FOXJ3: variants seen among roughly 807,000 people sequenced by gnomAD.
FOXJ3 encodes the protein forkhead box protein J3.
FOXJ3 carries 22 observed loss-of-function variants against 76.1 expected under a neutral mutation model. The ratio of observed to expected loss-of-function variants is 0.29; its 90% CI spans 0.21 to 0.41. FOXJ3 has a LOEUF of 0.41. Ranked by LOEUF, FOXJ3 falls within the 10% of genes least tolerant of loss-of-function variation. The pLI is 1.00. For synonymous variants in FOXJ3, 269 were observed against 261.2 expected (o/e 1.03, Z -0.29); for missense variants, 613 against 762.1 (o/e 0.80, Z 2.30).
At chr1:42,309,636 A>G (rs1257368495) in intron 2 of FOXJ3, among the ~76,000 whole-genome samples, 1 of 152,212 alleles carries the variant, frequency 6.6e-6, no homozygotes, top group Admixed American at 6.5e-5. Flanking sequence ...ATGCCCCAAC[A>G]TTTAGAATAG....
intron 3 of FOXJ3, among the ~76,000 whole-genome samples, chr1:42,275,586 C>A (rs1342767529): frequency 3.9e-5 from 6 of 152,080 alleles, no homozygotes; most frequent in Non-Finnish European, 8.8e-5. Flanking sequence ...CACTTGAGCC[C>A]AGGAGTTTGA....
intron 5 of FOXJ3, among the ~76,000 whole-genome samples, chr1:42,206,185 G>GAA (rs1340557389): frequency 1.2e-4 from 18 of 152,118 alleles, no homozygotes; most frequent in Non-Finnish European, 2.2e-4. Flanking sequence ...TTCAGTAATA[G>GAA]ATATTTACAG....
At chr1:42,285,360 C>A (rs998003060) in intron 2 of FOXJ3, among the ~76,000 whole-genome samples, 2 of 151,274 alleles carry the variant, frequency 1.3e-5, no homozygotes, top group African/African-American at 4.9e-5. Flanking sequence ...TTCCATGGCA[C>A]CAAAACAAGG....
intron 5 of FOXJ3, among the ~76,000 whole-genome samples, chr1:42,217,484 G>A (rs1451058640): frequency 3.3e-5 from 5 of 151,856 alleles, no homozygotes; most frequent in African/African-American, 1.2e-4. Flanking sequence ...AGCCGAGATC[G>A]TGCCACTGCA....
Position 42,295,225 on chromosome 1 carries a change from G to A in FOXJ3, c.44+15825C>T, listed in dbSNP as rs138789464. On this transcript the variant is annotated intron_variant, in intron 2 of 12. Coordinates refer to ENST00000361346, the MANE Select transcript of FOXJ3 (RefSeq NM_014947.5). ...CTCATCCTCCTCCCACCCTCCCCCC[G>A]GTGGACTCTTCAGTGTCTATTATTT... 5.4e-3 allele frequency among the ~76,000 whole-genome samples: 824 copies of A among 151,654 alleles called. 10 individuals are homozygous for A. Among genetic ancestry groups the A allele is most frequent in the African/African-American group, 0.018 (761 of 41,328 alleles).
intron 5 of FOXJ3, among the ~76,000 whole-genome samples, chr1:42,219,505 C>T (rs1390136271): frequency 6.6e-6 from 1 of 152,136 alleles, no homozygotes; most frequent in African/African-American, 2.4e-5. Context: ...TGTACCATTT[C>T]CCATAAATCT....
intron 1 of FOXJ3, among the ~76,000 whole-genome samples, chr1:42,327,587 A>T (rs543165661): frequency 1.8e-4 from 28 of 152,298 alleles, no homozygotes; most frequent in African/African-American, 6.7e-4. Flanking sequence ...AGTAAGTTCT[A>T]GCAGTCTTTC....
rs1397851253 is a variant in FOXJ3 at position 42,324,090 on chromosome 1, T to A, written c.-18+10969A>T. 3.2e-3 allele frequency among the ~76,000 whole-genome samples: 282 copies of A among 87,264 alleles called. 19 individuals carry two copies. Among genetic ancestry groups the A allele is most frequent in the African/African-American group, 0.013 (240 of 18,870 alleles). 57.2% of individuals were successfully genotyped at this position (87,264 alleles called of 152,430 possible). A position where few individuals can be genotyped will look rare whatever the true frequency, so the allele number is the denominator to read the frequency against. Reference sequence around the variant, plus strand: ...CACAGTGTATATATAGTATATATACTGTATATATACTGTGTATATACACTG... The same window carrying A: ...CACAGTGTATATATAGTATATATACAGTATATATACTGTGTATATACACTG... On this transcript the variant is annotated intron_variant, in intron 1 of 12. Transcript: ENST00000361346.
At chr1:42,314,500 G>T (rs540084648) in intron 1 of FOXJ3, among the ~76,000 whole-genome samples, 186 of 152,230 alleles carry the variant, frequency 1.2e-3, no homozygotes, top group African/African-American at 3.9e-3. Flanking sequence ...CACCTGCCTC[G>T]GTTAGGATCC....
chr1:42,278,546 ATTC>A lies in FOXJ3; in HGVS notation c.168_170del (p.Lys56del), dbSNP rs1384024900. ...GAGTTGTATTTGGGTCAAGGAGTGC[ATTC>A]TTCTTAGAAATTCCTGTTCCATGTG... On this transcript the variant is annotated inframe_deletion, in exon 3 of 13. Coordinates refer to ENST00000361346, the MANE Select transcript of FOXJ3 (RefSeq NM_014947.5). 1.9e-6 allele frequency: 3 copies of A among 1,614,120 alleles called. No individual in the cohort carries two copies. Among genetic ancestry groups the A allele is most frequent in the East Asian group, 2.2e-5 (1 of 44,876 alleles).
chr1:42,242,955 C>CTAT (rs4019589), intron 4 of FOXJ3, among the ~76,000 whole-genome samples: 111,079 of 151,712 alleles, frequency 0.73, 40,848 homozygotes, highest in Admixed American at 0.81. Flanking sequence ...AAAAACTAGT[C>CTAT]TATTATAAGA....
In FOXJ3 at chr1:42,179,244, T is replaced by C. The variant is rs1358622280; in HGVS notation, c.*466A>G. The C allele has an allele frequency of 6.5e-6, 1 of 152,674 alleles. No individual in the cohort carries two copies. 9.5% of individuals were successfully genotyped at this position (152,674 alleles called of 1,614,324 possible). A position where few individuals can be genotyped will look rare whatever the true frequency, so the allele number is the denominator to read the frequency against. ...CAGTTTCCTACATCAGTTAAAAGCA[T>C]CCTGCAGAAAATAGCCTAACAAGGA... On this transcript the variant is annotated 3_prime_UTR_variant, in exon 13 of 13. Transcript: ENST00000361346.
intron 5 of FOXJ3, among the ~76,000 whole-genome samples, chr1:42,207,539 G>A (rs1192355068): frequency 6.6e-6 from 1 of 152,154 alleles, no homozygotes; most frequent in Non-Finnish European, 1.5e-5. Flanking sequence ...TTAAAGAGGG[G>A]CAAACAGAAG....
At chr1:42,334,287 C>G (rs778958269) in intron 1 of FOXJ3, 4 of 177,724 alleles carry the variant, frequency 2.3e-5, no homozygotes, top group Non-Finnish European at 4.4e-5. Context: ...ACTCTCGATT[C>G]TTCATCTAAC....
At position 42,199,168 on chromosome 1, in the gene FOXJ3, A is replaced by C; in HGVS notation, c.693T>G (p.Ser231Arg). 1 of 1,612,958 alleles carries C rather than the reference A, an allele frequency of 6.2e-7. No homozygotes were observed. Among genetic ancestry groups the C allele is most frequent in the Non-Finnish European group, 8.5e-7 (1 of 1,178,926 alleles). Residue 231 changes from serine to arginine, a missense_variant, in exon 7 of 13, where the codon AGT becomes AGG. By Grantham distance (110) the Ser-to-Arg change is moderately radical. Coordinates refer to ENST00000361346, the MANE Select transcript of FOXJ3 (RefSeq NM_014947.5). ...CAGATGCCAAACTCTGGTCTGAGAGACTGTTGTTAAGGCTACTGCGTGGGC... is the reference window on the plus strand; with the variant it reads ...CAGATGCCAAACTCTGGTCTGAGAGCCTGTTGTTAAGGCTACTGCGTGGGC... ...SDSPRSSLNN[S>R]LSDQSLASVN...
At chr1:42,334,212 G>T in intron 1 of FOXJ3, 1 of 658,316 alleles carries the variant, frequency 1.5e-6, no homozygotes, top group Non-Finnish European at 1.9e-6. Context: ...TAATGGAAGA[G>T]GAAAAAAGAT....
intron 1 of FOXJ3, among the ~76,000 whole-genome samples, chr1:42,332,637 T>C (rs534895759): frequency 3.9e-5 from 6 of 152,298 alleles, no homozygotes; most frequent in Non-Finnish European, 2.9e-5. Flanking sequence ...TTAGAACCCA[T>C]TGTGGTACCC....
Position 42,287,176 on chromosome 1 carries a change from T to TA in FOXJ3, c.45-8505dup, listed in dbSNP as rs1273534823. 6.0e-5 allele frequency among the ~76,000 whole-genome samples: 9 copies of TA among 151,250 alleles called. No individual in the cohort carries two copies. In the East Asian group the frequency reaches 1.6e-3, roughly 27 times the overall value. On this transcript the variant is annotated intron_variant, in intron 2 of 12. Transcript: ENST00000361346. ...CAACATGGTGAAACCCGATCTCTAC[T>TA]AAAAAATACAAAAATTAGCTGGGCA...
At chr1:42,307,145 G>A (rs1654520301) in intron 2 of FOXJ3, among the ~76,000 whole-genome samples, 1 of 152,182 alleles carries the variant, frequency 6.6e-6, no homozygotes. Flanking sequence ...CCCCAGCAAA[G>A]GCTTCTTCAG....
Sources: gnomAD v4.1 joint callset for allele counts (sites outside exome capture counted in the v4.1 genomes callset) on GRCh38, gnomAD v4.1.1 for gene constraint, MANE v1.5 for transcripts, NCBI Gene and HGNC (gene_info 2026-07-23, HGNC 2026-07-21) for gene names.